Variants in DMXL2 observed in about 807,000 individuals in gnomAD.
DMXL2 encodes the protein Dmx like 2.
DMXL2 carries 103 observed loss-of-function variants against 331.1 expected under a neutral mutation model. The observed-to-expected ratio is 0.31, with a 90% CI of 0.27 to 0.37. DMXL2 has a LOEUF of 0.37. DMXL2 is among the 10% of genes least tolerant of loss of function. The pLI is 1.00. For synonymous variants in DMXL2, 1,281 were observed against 1,252.1 expected, an observed-to-expected ratio of 1.02 and a Z score of -0.49; for missense variants, 3,171 against 3,642.9, an observed-to-expected ratio of 0.87 and a Z score of 3.33.
At chr15:51,468,118 CAA>C (rs2040765685) in intron 29 of DMXL2, among the ~76,000 whole-genome samples, 1 of 152,122 alleles carries the variant, frequency 6.6e-6, no homozygotes, top group South Asian at 2.1e-4. Context: ...AAATCACTAA[CAA>C]AGTGAAAAGT....
At chr15:51,571,055 C>A (rs990902264) in intron 2 of DMXL2, among the ~76,000 whole-genome samples, 1 of 151,920 alleles carries the variant, frequency 6.6e-6, no homozygotes, top group African/African-American at 2.4e-5. Context: ...CACATGCAGA[C>A]ACACATACAG....
In DMXL2 at chr15:51,453,563, A is replaced by G. The variant is rs2039351746; in HGVS notation, c.8683T>C (p.Ser2895Pro). The change falls in exon 41 of 44, where the codon TCC becomes CCC. Residue 2895 changes from serine (S) to proline (P), a missense_variant. This residue lies in a region of DMXL2 where 766 missense variants were observed against 940.5 expected (regional missense o/e 0.81). Transcript: ENST00000560891. ...SSSLVATSGH[S>P]NDNRNVCLWD... ...CTGTCAACCTACCTATTGTCATTGGAGTGTCCAGATGTGGCAACTAGACTT... is the reference window on the plus strand; with the variant it reads ...CTGTCAACCTACCTATTGTCATTGGGGTGTCCAGATGTGGCAACTAGACTT... The G allele has an allele frequency of 6.2e-7, 1 of 1,611,194 alleles. No individual in the cohort carries two copies. The highest frequency in any genetic ancestry group is 1.7e-5 in the Admixed American group (1 of 59,448).
intron 6 of DMXL2, among the ~76,000 whole-genome samples, chr15:51,557,822 AG>A (rs2049702173): frequency 6.6e-6 from 1 of 152,352 alleles, no homozygotes; most frequent in South Asian, 2.1e-4. Context: ...GATATCCATA[AG>A]GAAAAAATAA....
At chr15:51,558,195 G>A (rs529059119) in intron 6 of DMXL2, among the ~76,000 whole-genome samples, 33 of 152,272 alleles carry the variant, frequency 2.2e-4, no homozygotes, top group African/African-American at 7.0e-4. Context: ...TGAGGAACAC[G>A]GGTTCCCAGA....
chr15:51,489,422 C>T (rs1294874674), intron 20 of DMXL2, among the ~76,000 whole-genome samples: 3 of 151,958 alleles, frequency 2.0e-5, no homozygotes, highest in East Asian at 3.9e-4. Context: ...TTTGGGAGGC[C>T]GAGACAGGCA....
rs1439189021 is a variant in DMXL2, at chr15:51,499,408, T to C, written c.3816A>G (p.Ala1272=). 6.2e-7 allele frequency: 1 copy of C among 1,613,850 alleles called. No individual in the cohort carries two copies. The highest frequency in any genetic ancestry group is 1.3e-5 in the African/African-American group (1 of 74,944). Residue 1272 remains alanine (A), a synonymous_variant, in exon 18 of 44, where the codon GCA becomes GCG. Coordinates refer to ENST00000560891, the MANE Select transcript of DMXL2 (RefSeq NM_001378457.1). ...CAAATTTGACAGCATGCTTCCACTG[T>C]GCATATACATGCATTTCACAATCCA... ...VGMDCEMHVY[A]QWKHAVKFGD...
At position 51,480,703 on chromosome 15, in the gene DMXL2, G is replaced by T. The variant is rs751807312; in HGVS notation, c.6403C>A (p.Gln2135Lys). The T allele has an allele frequency of 1.3e-5, 21 of 1,610,118 alleles. No homozygotes were observed. Among genetic ancestry groups the T allele is most frequent in the Non-Finnish European group, 1.5e-5 (18 of 1,177,816 alleles). Residue 2135 changes from glutamine (Q) to lysine (K), a missense_variant, in exon 24 of 44, where the codon CAG (glutamine) becomes AAG (lysine). Physicochemically the swap from Gln to Lys is moderately conservative, Grantham distance 53. Transcript: ENST00000560891. ...CTTTCTGCATGCTCTCGTTTGGCCT[G>T]CAATCTTCTTCTTTCTATTTGATGG... is the stretch of plus-strand genomic sequence containing the variant. ...ERHQIERRRL[Q>K]AKREHAERRK...
chr15:51,569,142 G>T (rs1038066065), intron 2 of DMXL2, among the ~76,000 whole-genome samples: 1 of 152,204 alleles, frequency 6.6e-6, no homozygotes, highest in Non-Finnish European at 1.5e-5. Flanking sequence ...CCAGTGTCTG[G>T]TTCAGCGGGT....
chr15:51,575,717 G>C (rs984830691), intron 2 of DMXL2, among the ~76,000 whole-genome samples: 1 of 152,086 alleles, frequency 6.6e-6, no homozygotes, highest in African/African-American at 2.4e-5. Context: ...TAGTATGAGT[G>C]ATATAAGGGG....
intron 22 of DMXL2, among the ~76,000 whole-genome samples, chr15:51,486,692 C>T (rs534032060): frequency 2.0e-5 from 3 of 152,128 alleles, no homozygotes; most frequent in South Asian, 4.2e-4. Flanking sequence ...CATATTTCTG[C>T]ATAATCATAA....
At chr15:51,452,877 T>G (rs796091718) in intron 41 of DMXL2, among the ~76,000 whole-genome samples, 12 of 152,028 alleles carry the variant, frequency 7.9e-5, no homozygotes, top group South Asian at 4.1e-4. Context: ...ATAAAGAAAA[T>G]GTGGTACATA....
intron 17 of DMXL2, among the ~76,000 whole-genome samples, chr15:51,502,512 A>C (rs1006708609): frequency 5.3e-5 from 8 of 152,022 alleles, no homozygotes; most frequent in Non-Finnish European, 1.0e-4. Context: ...TAGTACAGAC[A>C]TGGTTTCGCC....
chr15:51,518,033 T>G (rs2047134090), intron 13 of DMXL2, among the ~76,000 whole-genome samples: 1 of 152,148 alleles, frequency 6.6e-6, no homozygotes, highest in Non-Finnish European at 1.5e-5. Context: ...CTCAGACATT[T>G]AGAAATGGTG....
chr15:51,448,871 T>A lies in DMXL2; in HGVS notation c.*113A>T. On this transcript the variant is annotated 3_prime_UTR_variant, in exon 44 of 44. Transcript: ENST00000560891. ...ATACTCAGCTTGGGTCATATTCAAA[T>A]TCTACACAGAGATTCTCTGTTTTCA... The A allele has an allele frequency of 9.1e-7, 1 of 1,104,718 alleles. No homozygotes were observed. Among genetic ancestry groups the A allele is most frequent in the Middle Eastern group, 2.4e-4 (1 of 4,116 alleles). The allele number at this position is 1,104,718 out of a possible 1,614,324, so 68.4% of individuals were successfully genotyped here.
rs2046923279 is a variant in DMXL2 at position 51,514,495 on chromosome 15, T to G, written c.2591A>C (p.His864Pro). 1.2e-6 allele frequency: 2 copies of G among 1,600,514 alleles called. No individual in the cohort carries two copies. The highest frequency in any genetic ancestry group is 1.7e-5 in the Admixed American group (1 of 58,046). The change falls in exon 15 of 44, where the codon CAT (histidine) becomes CCT (proline). Residue 864 changes from histidine to proline, a missense_variant. This residue lies in a region of DMXL2 where 1,674 missense variants were observed against 1,780.2 expected (regional missense o/e 0.94). Coordinates refer to ENST00000560891, the MANE Select transcript of DMXL2 (RefSeq NM_001378457.1). ...TTCCTTTTTCTCCATATCTTCCTTA[T>G]GTGGTTTATATCCTATAATGAAGTC... ...QEDFIIGYKP[H>P]KEDMEKKETE...
intron 9 of DMXL2, among the ~76,000 whole-genome samples, chr15:51,541,183 C>A (rs1170548291): frequency 6.6e-6 from 1 of 151,990 alleles, no homozygotes; most frequent in Admixed American, 6.6e-5. Context: ...ATAAGCAAAA[C>A]AACATTTAAT....
At chr15:51,606,264 G>A (rs146310538) in intron 1 of DMXL2, among the ~76,000 whole-genome samples, 2,875 of 152,270 alleles carry the variant, frequency 0.019, 91 homozygotes, top group African/African-American at 0.065. Flanking sequence ...CTGGAGTGCA[G>A]TGGCGCGATC....
intron 16 of DMXL2, among the ~76,000 whole-genome samples, chr15:51,504,453 G>A (rs543543152): frequency 5.9e-5 from 9 of 152,182 alleles, no homozygotes; most frequent in Non-Finnish European, 1.3e-4. Flanking sequence ...TCCAGTGAGT[G>A]TAAATCTCTG....
At chr15:51,589,185 G>A (rs1468026625) in intron 1 of DMXL2, among the ~76,000 whole-genome samples, 1 of 152,226 alleles carries the variant, frequency 6.6e-6, no homozygotes, top group Non-Finnish European at 1.5e-5. Flanking sequence ...TTACCAGAAA[G>A]AGTGGAGCTG....
Sources: gnomAD v4.1 joint callset for allele counts (sites outside exome capture counted in the v4.1 genomes callset) on GRCh38, gnomAD v4.1.1 for gene constraint, gnomAD v4.1.1 regional missense constraint, MANE v1.5 for transcripts, NCBI Gene and HGNC (gene_info 2026-07-23, HGNC 2026-07-21) for gene names.